SUGCT: variants seen among roughly 807,000 people sequenced by gnomAD.
SUGCT encodes succinyl-CoA:glutarate CoA-transferase.
In SUGCT, 41 loss-of-function variants were observed where a neutral mutation model predicts 55.0. The ratio of observed to expected loss-of-function variants is 0.74; its 90% CI spans 0.58 to 0.97. The LOEUF is 0.97. SUGCT is among the 50% of genes least tolerant of loss of function. SUGCT has a pLI of 0.00. For missense variants in SUGCT, 568 were observed against 547.8 expected, an observed-to-expected ratio of 1.04 and a Z score of -0.37; for synonymous variants, 187 against 200.4, an observed-to-expected ratio of 0.93 and a Z score of 0.56.
chr7:40,246,309 G>A (rs1333539514), intron 7 of SUGCT, among the ~76,000 whole-genome samples: 1 of 151,590 alleles, frequency 6.6e-6, no homozygotes, highest in Non-Finnish European at 1.5e-5. Flanking sequence ...GAGTGTAGTG[G>A]TGCAACCTTG....
intron 12 of SUGCT, among the ~76,000 whole-genome samples, chr7:40,585,982 C>A (rs1797356175): frequency 6.6e-6 from 1 of 152,090 alleles, no homozygotes; most frequent in African/African-American, 2.4e-5. Context: ...GCCTGGCCAA[C>A]TTCTAAATTT....
intron 9 of SUGCT, among the ~76,000 whole-genome samples, chr7:40,351,098 TTATA>T (rs1416785967): frequency 6.6e-6 from 1 of 152,130 alleles, no homozygotes; most frequent in Non-Finnish European, 1.5e-5. Flanking sequence ...TCTTAAATAT[TTATA>T]TATAATGAGT....
intron 12 of SUGCT, among the ~76,000 whole-genome samples, chr7:40,681,756 A>C (rs1439145595): frequency 6.6e-6 from 1 of 152,192 alleles, no homozygotes; most frequent in Non-Finnish European, 1.5e-5. Context: ...AGGTGGATTC[A>C]AAGCTTTTCT....
chr7:40,141,897 AG>A, intron 1 of SUGCT: 1 of 354,630 alleles, frequency 2.8e-6, no homozygotes. Flanking sequence ...TGGACAAGGG[AG>A]GGGAAGGGGT....
chr7:40,556,745 T>C (rs909581624), intron 12 of SUGCT, among the ~76,000 whole-genome samples: 3 of 152,228 alleles, frequency 2.0e-5, no homozygotes, highest in African/African-American at 7.2e-5. Context: ...TATGGGGTTA[T>C]GAGGATTAAA....
intron 7 of SUGCT, among the ~76,000 whole-genome samples, chr7:40,260,740 C>T (rs772195907): frequency 1.4e-4 from 21 of 152,124 alleles, no homozygotes; most frequent in Admixed American, 1.4e-3. Flanking sequence ...CAACCTCTGC[C>T]TTCTGGGTTC....
At chr7:40,870,809 A>G in the SUGCT span, among the ~76,000 whole-genome samples, 11 of 152,086 alleles carry the variant, frequency 7.2e-5, no homozygotes, top group Non-Finnish European at 1.5e-4. Context: ...ATTTATATCA[A>G]TATGGACTAG....
At position 40,435,945 on chromosome 7, in the gene SUGCT, C is replaced by CTTTTCTTTTCT. The variant is rs745704083; in HGVS notation, c.817-13338_817-13337insCTTTTCTTTTT. 8.3e-3 allele frequency among the ~76,000 whole-genome samples: 951 copies of CTTTTCTTTTCT among 114,582 alleles called. 4 individuals are homozygous for CTTTTCTTTTCT. Among genetic ancestry groups the CTTTTCTTTTCT allele is most frequent in the Non-Finnish European group, 0.015 (829 of 55,180 alleles). 75.2% of individuals were successfully genotyped at this position (114,582 alleles called of 152,430 possible). On this transcript the variant is annotated intron_variant, in intron 9 of 13. Transcript: ENST00000335693. ...TGACTGCTTTCTTTTCTTTTCTTTT[C>CTTTTCTTTTCT]TTTTTTTTTTTTTTTTGAGATGGAG...
chr7:40,816,974 A>G (rs902619357), intron 13 of SUGCT, among the ~76,000 whole-genome samples: 1 of 152,176 alleles, frequency 6.6e-6, no homozygotes, highest in East Asian at 1.9e-4. Flanking sequence ...AGATGATGAG[A>G]ATAGAGTTAA....
At chr7:40,749,311 A>G in intron 12 of SUGCT, 123 bp from the exon 13 acceptor site, 1 of 775,164 alleles carries the variant, frequency 1.3e-6, no homozygotes, top group Non-Finnish European at 2.3e-6. Context: ...TGAAAATGTT[A>G]AACACTTCTG....
At chr7:40,773,050 T>C (rs1789260816) in intron 13 of SUGCT, among the ~76,000 whole-genome samples, 1 of 152,154 alleles carries the variant, frequency 6.6e-6, no homozygotes, top group Non-Finnish European at 1.5e-5. Context: ...TGAATATTAA[T>C]TTTTTATAGT....
chr7:40,817,043 C>G (rs1791706809), intron 13 of SUGCT, among the ~76,000 whole-genome samples: 1 of 152,212 alleles, frequency 6.6e-6, no homozygotes. Flanking sequence ...CAAACCAACA[C>G]TTCTATTGTC....
intron 12 of SUGCT, among the ~76,000 whole-genome samples, chr7:40,551,459 G>A (rs929962720): frequency 1.3e-5 from 2 of 152,166 alleles, no homozygotes; most frequent in Non-Finnish European, 2.9e-5. Context: ...TTCAAAGTTT[G>A]TAAACAGAGA....
intron 13 of SUGCT, among the ~76,000 whole-genome samples, chr7:40,843,270 G>C (rs1793369631): frequency 6.6e-6 from 1 of 152,120 alleles, no homozygotes; most frequent in Non-Finnish European, 1.5e-5. Flanking sequence ...TCAGCTCTTT[G>C]GGAGGCCGAG....
At position 40,315,420 on chromosome 7, in the gene SUGCT, T is replaced by A. The variant is rs548093676; in HGVS notation, c.721-1340T>A. Among the ~76,000 whole-genome samples, 271 of 152,360 alleles carry A rather than the reference T, an allele frequency of 1.8e-3. 1 individual carries two copies. The highest frequency in any genetic ancestry group is 3.1e-3 in the Non-Finnish European group (208 of 68,038). On this transcript the variant is annotated intron_variant, in intron 8 of 13. Coordinates refer to ENST00000335693, the MANE Select transcript of SUGCT (RefSeq NM_001193313.2). The stretch of plus-strand genomic sequence containing the variant: ...CATGGTTCAAATGCCCAAGACCAGA[T>A]GGAAGTCTAGAACTGGATGACTCAA...
chr7:40,739,943 A>G (rs1584366527), intron 12 of SUGCT, among the ~76,000 whole-genome samples: 1 of 152,256 alleles, frequency 6.6e-6, no homozygotes, highest in East Asian at 1.9e-4. Flanking sequence ...AAAAGTTTAC[A>G]AAAAAGCTTT....
chr7:40,499,209 G>A (rs982836136), intron 12 of SUGCT: 4 of 434,104 alleles, frequency 9.2e-6, no homozygotes, highest in Middle Eastern at 3.3e-4. Flanking sequence ...GGAACATGGC[G>A]TAGGAATGGA....
At chr7:40,524,893 A>G (rs958188141) in intron 12 of SUGCT, among the ~76,000 whole-genome samples, 3 of 152,126 alleles carry the variant, frequency 2.0e-5, no homozygotes, top group Admixed American at 2.0e-4. Context: ...GGTGTGGTAG[A>G]GAGTGGAGGG....
At chr7:40,292,376 T>C (rs1233688337) in intron 8 of SUGCT, among the ~76,000 whole-genome samples, 1 of 152,188 alleles carries the variant, frequency 6.6e-6, no homozygotes, top group Admixed American at 6.6e-5. Context: ...GGGATAGTTA[T>C]TTTCAGTTCA....
Sources: gnomAD v4.1 joint callset for allele counts (sites outside exome capture counted in the v4.1 genomes callset) on GRCh38, gnomAD v4.1.1 for gene constraint, MANE v1.5 for transcripts, NCBI Gene and HGNC (gene_info 2026-07-23, HGNC 2026-07-21) for gene names.